ARHGEF17: variants seen among roughly 807,000 people sequenced by gnomAD.
ARHGEF17 encodes Rho guanine nucleotide exchange factor 17.
ARHGEF17 carries 80 observed loss-of-function variants against 174.0 expected under a neutral mutation model. The ratio of observed to expected loss-of-function variants is 0.46; its 90% CI spans 0.38 to 0.55. ARHGEF17 has a LOEUF of 0.55. Among genes scored for constraint, ARHGEF17 ranks in the 20% least tolerant of loss-of-function variants. ARHGEF17 has a pLI of 0.00. For synonymous variants in ARHGEF17, 1,311 were observed against 1,189.1 expected, an observed-to-expected ratio of 1.10 and a Z score of -2.11; for missense variants, 2,886 against 2,839.7, an observed-to-expected ratio of 1.02 and a Z score of -0.37.
chr11:73,362,398 G>A (rs780437681), intron 13 of ARHGEF17, 35 bp from the exon 14 acceptor site: 5 of 1,500,802 alleles, frequency 3.3e-6, no homozygotes, highest in Non-Finnish European at 4.4e-6. Context: ...CGTCTGGCTC[G>A]TAGCTGCTGT....
rs548977439 is a variant in ARHGEF17 at position 73,365,802 on chromosome 11, C to T, written c.5850C>T (p.Pro1950=). Residue 1950 remains proline, a synonymous_variant, in exon 20 of 21, where the codon CCC becomes CCT. Transcript: ENST00000263674. This position sits in a 1 kb window ranked among gnomAD's most constrained non-coding sequence, Gnocchi z 4.9. ...AGVVLTMPTS[P]GTVSCPRAPL... is the part of the protein sequence containing the mutation. ...TCGTCCTCACCATGCCCACTTCGCCCGGTACTGTCAGCTGCCCACGGGCAC... is the reference window on the plus strand; with the variant it reads ...TCGTCCTCACCATGCCCACTTCGCCTGGTACTGTCAGCTGCCCACGGGCAC... 2.2e-5 allele frequency: 35 copies of T among 1,613,664 alleles called. No individual in the cohort carries two copies. The East Asian group carries it at 2.2e-4, about 10-fold the overall frequency.
At chr11:73,358,187 T>C (rs1865676685) in intron 9 of ARHGEF17, among the ~76,000 whole-genome samples, 1 of 152,186 alleles carries the variant, frequency 6.6e-6, no homozygotes, top group Non-Finnish European at 1.5e-5. Context: ...AAGGAGTAGA[T>C]CGGCTTCATC....
intron 2 of ARHGEF17, 84 bp from the exon 3 acceptor site, chr11:73,352,746 T>C: frequency 1.3e-6 from 2 of 1,491,388 alleles, no homozygotes; most frequent in South Asian, 2.3e-5. Flanking sequence ...GGTGATTCTG[T>C]GTGCACTCAC....
At chr11:73,356,821 C>T (rs1865650307) in intron 7 of ARHGEF17, 62 bp downstream of exon 7, 2 of 1,606,822 alleles carry the variant, frequency 1.2e-6, no homozygotes, top group Non-Finnish European at 1.7e-6. Flanking sequence ...CTCTCTTCTG[C>T]TCACACCCTC....
chr11:73,366,156 T>C (rs958875430), intron 20 of ARHGEF17, among the ~76,000 whole-genome samples: 1 of 152,072 alleles, frequency 6.6e-6, no homozygotes, highest in Non-Finnish European at 1.5e-5. Flanking sequence ...CCTGCATGTG[T>C]TGTGTGTATA....
At chr11:73,353,078 C>A in intron 3 of ARHGEF17, 66 bp downstream of exon 3, 1 of 1,581,260 alleles carries the variant, frequency 6.3e-7, no homozygotes, top group Non-Finnish European at 8.6e-7. Flanking sequence ...TGGATGTGGC[C>A]ACGGACCCCA....
chr11:73,320,314 C>T (rs1864995722), intron 1 of ARHGEF17, among the ~76,000 whole-genome samples: 1 of 152,052 alleles, frequency 6.6e-6, no homozygotes, highest in South Asian at 2.1e-4. Flanking sequence ...AGTATCCCCT[C>T]ACTCCACAGA....
chr11:73,357,912 C>T (rs1305265686), intron 9 of ARHGEF17, among the ~76,000 whole-genome samples: 2 of 152,252 alleles, frequency 1.3e-5, no homozygotes, highest in Non-Finnish European at 2.9e-5. Context: ...TGGCTCCTGG[C>T]TCAGCTGGAG....
chr11:73,331,094 C>G (rs1464125645), intron 1 of ARHGEF17, among the ~76,000 whole-genome samples: 1 of 152,194 alleles, frequency 6.6e-6, no homozygotes, highest in East Asian at 1.9e-4. Flanking sequence ...TTGTCCTCTC[C>G]TTTAGAAAAA....
At chr11:73,340,366 T>G (rs1246043388) in intron 1 of ARHGEF17, among the ~76,000 whole-genome samples, 1 of 152,160 alleles carries the variant, frequency 6.6e-6, no homozygotes, top group Non-Finnish European at 1.5e-5. Flanking sequence ...GGCACCCATA[T>G]GCCTGTGGAT....
intron 1 of ARHGEF17, among the ~76,000 whole-genome samples, chr11:73,332,121 A>G (rs1225266471): frequency 6.6e-6 from 1 of 152,198 alleles, no homozygotes; most frequent in Non-Finnish European, 1.5e-5. Context: ...CTGGTTATTC[A>G]TAACAGCCAA....
chr11:73,332,528 C>G (rs1369610537), intron 1 of ARHGEF17, among the ~76,000 whole-genome samples: 3 of 152,182 alleles, frequency 2.0e-5, no homozygotes, highest in Non-Finnish European at 4.4e-5. Flanking sequence ...AATCTCTGGG[C>G]TTTCCTGTGG....
intron 20 of ARHGEF17, among the ~76,000 whole-genome samples, chr11:73,367,097 A>G (rs1865852330): frequency 6.6e-6 from 1 of 152,200 alleles, no homozygotes; most frequent in Non-Finnish European, 1.5e-5. Flanking sequence ...CACAACCAGA[A>G]AAGTCTTGCT....
intron 2 of ARHGEF17, among the ~76,000 whole-genome samples, chr11:73,352,446 T>C (rs181289172): frequency 6.6e-6 from 1 of 152,350 alleles, no homozygotes; most frequent in East Asian, 1.9e-4. Context: ...TTCTTATACA[T>C]TGCTGTCTCC....
intron 15 of ARHGEF17, 33 bp downstream of exon 15, chr11:73,363,488 C>T: frequency 6.3e-7 from 1 of 1,589,528 alleles, no homozygotes; most frequent in Non-Finnish European, 8.6e-7. Context: ...GGACACAGTG[C>T]CAGAACTCTG....
At position 73,311,049 on chromosome 11, in the gene ARHGEF17, T is replaced by A; in HGVS notation, c.2411T>A (p.Val804Asp). 6.2e-7 allele frequency: 1 copy of A among 1,614,038 alleles called. No homozygotes were observed. Among genetic ancestry groups the A allele is most frequent in the South Asian group, 1.1e-5 (1 of 91,084 alleles). ...KGYQEVIQSIVQGPGTLGRVV... is the reference protein window; with the variant it reads ...KGYQEVIQSIDQGPGTLGRVV... ...TATCAGGAGGTTATTCAGAGCATAG[T>A]TCAGGGGCCTGGCACCCTGGGGCGT... The change falls in exon 1 of 21, where the codon GTT (valine) becomes GAT (aspartate). Residue 804 changes from valine (V) to aspartate (D), a missense_variant. Val to Asp is a radical substitution (Grantham distance 152, BLOSUM62 -3). Around this residue, in one of 4 missense-constraint regions of ARHGEF17, gnomAD observed 1,728 missense variants for 1,461.2 expected, o/e 1.18. Coordinates refer to ENST00000263674, the MANE Select transcript of ARHGEF17 (RefSeq NM_014786.4).
At chr11:73,358,769 G>T (rs557676146) in intron 9 of ARHGEF17, among the ~76,000 whole-genome samples, 1 of 152,094 alleles carries the variant, frequency 6.6e-6, no homozygotes, top group South Asian at 2.1e-4. Context: ...AGCCAGGTCC[G>T]CCTCTTAATA....
rs1209431874 is a variant in ARHGEF17 at position 73,361,203 on chromosome 11, C to G, written c.4494+42C>G. Reference sequence around the variant, plus strand: ...GTCACTTGGGTACATGTTTTCAAAGCCAGCAGGTGTTCATGAATTTTTGTG... The same window carrying G: ...GTCACTTGGGTACATGTTTTCAAAGGCAGCAGGTGTTCATGAATTTTTGTG... On this transcript the variant is annotated intron_variant, in intron 12 of 20. Transcript: ENST00000263674. The G allele has an allele frequency of 1.9e-6, 3 of 1,581,672 alleles. No homozygotes were observed. In the South Asian group the frequency reaches 3.3e-5, roughly 18 times the overall value.
chr11:73,339,655 G>A (rs1865339623), intron 1 of ARHGEF17, among the ~76,000 whole-genome samples: 3 of 152,166 alleles, frequency 2.0e-5, no homozygotes, highest in Admixed American at 1.3e-4. Flanking sequence ...TCAGAGATGG[G>A]GAAGTTGTTA....
Sources: allele counts gnomAD v4.1 joint callset (sites outside exome capture counted in the v4.1 genomes callset), GRCh38; gene constraint gnomAD v4.1.1; regional missense constraint gnomAD v4.1.1; non-coding constraint Gnocchi (gnomAD v3.1); transcripts MANE v1.5; gene names NCBI Gene and HGNC (gene_info 2026-07-23, HGNC 2026-07-21).